The following WWOX variants were observed in gnomAD, a reference collection of about 807,000 sequenced individuals.
WWOX encodes WW domain-containing oxidoreductase.
WWOX carries 69 observed loss-of-function variants against 46.2 expected under a neutral mutation model. The observed-to-expected ratio is 1.49, with a 90% CI of 1.23 to 1.82. The LOEUF (loss-of-function observed/expected upper bound fraction) is 1.82, where lower values mean the gene tolerates loss of function less well. Ranked by LOEUF, WWOX falls within the 40% of genes most tolerant of loss-of-function variation. The pLI is 0.00. For missense variants in WWOX, 919 were observed against 542.6 expected (o/e 1.69, Z -6.89); for synonymous variants, 359 against 202.6 (o/e 1.77, Z -6.56).
At chr16:78,677,414 G>A (rs1352342932) in intron 8 of WWOX, among the ~76,000 whole-genome samples, 4 of 152,106 alleles carry the variant, frequency 2.6e-5, no homozygotes, top group Non-Finnish European at 5.9e-5. Flanking sequence ...ACTTGCAATG[G>A]CTTGCCAACG....
intron 8 of WWOX, among the ~76,000 whole-genome samples, chr16:79,194,302 GCATT>G (rs2051195214): frequency 6.6e-6 from 1 of 152,150 alleles, no homozygotes; most frequent in South Asian, 2.1e-4. Context: ...GGAAATTTGA[GCATT>G]CATTCATTCA....
chr16:78,203,764 G>A (rs1319551517), intron 5 of WWOX, among the ~76,000 whole-genome samples: 1 of 152,164 alleles, frequency 6.6e-6, no homozygotes, highest in South Asian at 2.1e-4. Context: ...AAGGTCTTGG[G>A]CAAGCGCGTG....
chr16:78,409,677 G>T (rs1401688685), intron 6 of WWOX, among the ~76,000 whole-genome samples: 1 of 152,180 alleles, frequency 6.6e-6, no homozygotes, highest in Non-Finnish European at 1.5e-5. Flanking sequence ...GTAGGTTAAA[G>T]ATTTGTCATG....
At chr16:78,999,949 C>G (rs776300024) in intron 8 of WWOX, among the ~76,000 whole-genome samples, 27 of 152,060 alleles carry the variant, frequency 1.8e-4, no homozygotes, top group Non-Finnish European at 5.9e-5. Context: ...ATATTTTCAC[C>G]GGGAGCATTT....
chr16:78,812,868 T>C (rs184108152), intron 8 of WWOX, among the ~76,000 whole-genome samples: 1 of 152,382 alleles, frequency 6.6e-6, no homozygotes, highest in Non-Finnish European at 1.5e-5. Context: ...TCTTATTTTC[T>C]ATCATTTCAC....
chr16:78,699,286 C>T (rs28502487), intron 8 of WWOX, among the ~76,000 whole-genome samples: 23,340 of 151,882 alleles, frequency 0.15, 5,227 homozygotes, highest in African/African-American at 0.49. Flanking sequence ...GTGATCCTAG[C>T]ACTTTTGGAG....
chr16:78,644,433 G>A (rs1378893455), intron 8 of WWOX, among the ~76,000 whole-genome samples: 11 of 151,792 alleles, frequency 7.2e-5, no homozygotes, highest in Admixed American at 1.3e-4. Flanking sequence ...GTCAGGGAGC[G>A]TATTTTCAAA....
Position 78,569,805 on chromosome 16 carries a change from A to G in WWOX, c.1056+137053A>G, listed in dbSNP as rs570316332. On this transcript the variant is annotated intron_variant, in intron 8 of 8. Coordinates refer to ENST00000566780, the MANE Select transcript of WWOX (RefSeq NM_016373.4). ...TTCTTATTGACCAAAGAGAGGGCATATCTTTGGGAGCTGCTAATAAACCAT... is the reference window on the plus strand; with the variant it reads ...TTCTTATTGACCAAAGAGAGGGCATGTCTTTGGGAGCTGCTAATAAACCAT... Among the ~76,000 whole-genome samples the G allele has an allele frequency of 6.6e-5, 10 of 152,314 alleles. No individual in the cohort carries two copies. The South Asian group carries it at 2.1e-3, about 32-fold the overall frequency.
chr16:78,243,833 C>T (rs570158549), intron 5 of WWOX, among the ~76,000 whole-genome samples: 3 of 152,342 alleles, frequency 2.0e-5, no homozygotes, highest in Admixed American at 1.3e-4. Context: ...AGGCGTGAGC[C>T]ACCGCACCTG....
chr16:78,911,920 G>T (rs766186028), intron 8 of WWOX, among the ~76,000 whole-genome samples: 1 of 152,000 alleles, frequency 6.6e-6, no homozygotes, highest in Non-Finnish European at 1.5e-5. Context: ...AGCTTAGTGT[G>T]TGCAAGACTC....
At chr16:78,476,243 C>A (rs1668665601) in intron 8 of WWOX, among the ~76,000 whole-genome samples, 1 of 152,162 alleles carries the variant, frequency 6.6e-6, no homozygotes, top group African/African-American at 2.4e-5. Flanking sequence ...AGCATTGTTT[C>A]ATGTGTCTGT....
At chr16:78,741,018 A>G (rs1331151169) in intron 8 of WWOX, among the ~76,000 whole-genome samples, 1 of 152,186 alleles carries the variant, frequency 6.6e-6, no homozygotes, top group African/African-American at 2.4e-5. Context: ...ATACACCACG[A>G]TGATCCACTG....
intron 8 of WWOX, among the ~76,000 whole-genome samples, chr16:78,540,127 T>C (rs2151525595): frequency 6.6e-6 from 1 of 152,036 alleles, no homozygotes. Flanking sequence ...CCGATCTGTG[T>C]TCAATTTCTG....
intron 8 of WWOX, among the ~76,000 whole-genome samples, chr16:79,014,141 C>G (rs367674442): frequency 4.6e-5 from 7 of 152,314 alleles, no homozygotes; most frequent in African/African-American, 1.7e-4. Context: ...AGATCTTTTT[C>G]TGGGAAGGGA....
chr16:78,401,598 C>G (rs73571030), intron 6 of WWOX, among the ~76,000 whole-genome samples: 26 of 152,066 alleles, frequency 1.7e-4, no homozygotes, highest in African/African-American at 6.0e-4. Flanking sequence ...GGTGAGGAAC[C>G]CCACTGAAGG....
At chr16:78,244,832 A>G (rs2037766950) in intron 5 of WWOX, among the ~76,000 whole-genome samples, 1 of 152,090 alleles carries the variant, frequency 6.6e-6, no homozygotes, top group Admixed American at 6.5e-5. Flanking sequence ...TCCCCCTTGG[A>G]GTTCTGTTTC....
At chr16:78,660,955 G>T (rs1251293555) in intron 8 of WWOX, among the ~76,000 whole-genome samples, 3 of 152,030 alleles carry the variant, frequency 2.0e-5, no homozygotes, top group African/African-American at 7.2e-5. Context: ...GCCATCACAT[G>T]GTGTCATTTA....
rs185988327 is a variant in WWOX at position 78,507,383 on chromosome 16, C to T, written c.1056+74631C>T. On this transcript the variant is annotated intron_variant, in intron 8 of 8. Coordinates refer to ENST00000566780, the MANE Select transcript of WWOX (RefSeq NM_016373.4). ...ATAAAAATAAAAAGTCAAAAGGAAA[C>T]AAACAATGTTGCTGAGAAGTGATAG... Among the ~76,000 whole-genome samples the T allele has an allele frequency of 2.2e-3, 331 of 150,436 alleles. 5 individuals carry two copies. The highest frequency in any genetic ancestry group is 7.5e-3 in the African/African-American group (299 of 39,836).
chr16:78,300,233 G>A (rs1044966923), intron 5 of WWOX, among the ~76,000 whole-genome samples: 1 of 152,102 alleles, frequency 6.6e-6, no homozygotes, highest in East Asian at 1.9e-4. Context: ...AGGAGCCTAG[G>A]AGATACATGG....
Sources: allele counts gnomAD v4.1 joint callset (sites outside exome capture counted in the v4.1 genomes callset), GRCh38; gene constraint gnomAD v4.1.1; transcripts MANE v1.5; gene names NCBI Gene and HGNC (gene_info 2026-07-23, HGNC 2026-07-21).